Variants in PRRC2B observed in about 807,000 individuals in gnomAD.
PRRC2B encodes the protein proline rich coiled-coil 2B.
Under a neutral mutation model 242.3 loss-of-function variants are expected in PRRC2B, and 68 were observed. The observed-to-expected ratio is 0.28, with a 90% CI of 0.23 to 0.34. The LOEUF (loss-of-function observed/expected upper bound fraction) is 0.34, where lower values mean the gene tolerates loss of function less well. PRRC2B is among the 10% of genes least tolerant of loss of function. The probability of loss-of-function intolerance (pLI) is 1.00; values close to 1 mark genes in which losing one functional copy is unlikely to be tolerated. For synonymous variants in PRRC2B, 1,228 were observed against 1,173.6 expected, an observed-to-expected ratio of 1.05 and a Z score of -0.95; for missense variants, 2,835 against 2,954.8, an observed-to-expected ratio of 0.96 and a Z score of 0.94.
intron 11 of PRRC2B, among the ~76,000 whole-genome samples, chr9:131,462,330 A>C (rs1221721773): frequency 6.6e-6 from 1 of 152,022 alleles, no homozygotes; most frequent in East Asian, 2.0e-4. Context: ...CTTCTGCCTC[A>C]GCCTCCCAAG....
intron 11 of PRRC2B, among the ~76,000 whole-genome samples, chr9:131,463,973 G>C (rs1436012898): frequency 1.4e-5 from 2 of 144,814 alleles, no homozygotes; most frequent in Non-Finnish European, 3.0e-5. Context: ...ATGGAGTCTC[G>C]CTCTGTTGCC....
chr9:131,385,732 C>A (rs531351682), intron 1 of PRRC2B, among the ~76,000 whole-genome samples: 1 of 150,440 alleles, frequency 6.6e-6, no homozygotes, highest in Non-Finnish European at 1.5e-5. Flanking sequence ...CTCGCCTTGT[C>A]GCCCAGGCTG....
At chr9:131,393,060 G>A (rs1427159919), upstream of PRRC2B, among the ~76,000 whole-genome samples, 1 of 152,178 alleles carries the variant, frequency 6.6e-6, no homozygotes, top group African/African-American at 2.4e-5. Flanking sequence ...TTGTTCACCA[G>A]CCTCAGTTCT....
At chr9:131,429,444 C>A (rs1004715074) in intron 1 of PRRC2B, among the ~76,000 whole-genome samples, 1 of 152,212 alleles carries the variant, frequency 6.6e-6, no homozygotes, top group Non-Finnish European at 1.5e-5. Context: ...GTGGTCTCTC[C>A]CTTGCTAGCC....
At position 131,475,737 on chromosome 9, in the gene PRRC2B, G is replaced by A. The variant is rs1467814632; in HGVS notation, c.3608G>A (p.Arg1203Gln). Residue 1203 changes from arginine to glutamine, a missense_variant, in exon 16 of 32, where the codon CGA becomes CAA. Around this residue, in one of 7 missense-constraint regions of PRRC2B, gnomAD observed 1,536 missense variants for 1,483.1 expected, o/e 1.04. Transcript: ENST00000683519. ...AKSRGPRAFG[R>Q]ALPPRLSNCG... ...AGCCGAGGCCCTCGGGCCTTTGGGC[G>A]AGCCCTCCCTCCCCGGCTGAGCAAT... 1.9e-6 allele frequency: 3 copies of A among 1,613,308 alleles called. No homozygotes were observed. The highest frequency in any genetic ancestry group is 2.5e-6 in the Non-Finnish European group (3 of 1,179,696).
intron 28 of PRRC2B, 66 bp from the exon 29 acceptor site, chr9:131,491,359 C>G (rs777966657): frequency 4.8e-6 from 7 of 1,465,738 alleles, no homozygotes; most frequent in African/African-American, 2.9e-5. Context: ...TGCGGTCGCT[C>G]TTTGGTGCGT....
At chr9:131,433,541 C>G (rs12682817) in intron 3 of PRRC2B, among the ~76,000 whole-genome samples, 1 of 152,210 alleles carries the variant, frequency 6.6e-6, no homozygotes, top group African/African-American at 2.4e-5. Context: ...TTAGCCAGTG[C>G]TAAGACAATT....
intron 3 of PRRC2B, 81 bp from the exon 4 acceptor site, chr9:131,436,539 C>G: frequency 9.3e-7 from 1 of 1,077,052 alleles, no homozygotes. Flanking sequence ...AGCAGCTGAA[C>G]AGCTGTGGCT....
At position 131,480,793 on chromosome 9, in the gene PRRC2B, G is replaced by C. The variant is rs546827355; in HGVS notation, c.4901-933G>C. Among the ~76,000 whole-genome samples, 4 of 151,814 alleles carry C rather than the reference G, an allele frequency of 2.6e-5. No homozygotes were observed. In the East Asian group the frequency reaches 7.7e-4, roughly 29 times the overall value. On this transcript the variant is annotated intron_variant, in intron 19 of 31. Transcript: ENST00000683519. ...ATGCATATCTATTTTTCTGGGCTCCGGATCCATGGCCATTCAAAAAGTGGT... is the reference window on the plus strand; with the variant it reads ...ATGCATATCTATTTTTCTGGGCTCCCGATCCATGGCCATTCAAAAAGTGGT...
intron 11 of PRRC2B, among the ~76,000 whole-genome samples, chr9:131,463,193 T>C (rs893310088): frequency 4.6e-5 from 7 of 152,228 alleles, no homozygotes; most frequent in African/African-American, 4.8e-5. Flanking sequence ...AATGATATTA[T>C]ATAAAATGTA....
chr9:131,376,353 CAA>C (rs34978838), intron 1 of PRRC2B, among the ~76,000 whole-genome samples: 127 of 112,480 alleles, frequency 1.1e-3, no homozygotes, highest in African/African-American at 3.6e-3. Context: ...GACTCCATCT[CAA>C]AAAAAAAAAA....
intron 23 of PRRC2B, among the ~76,000 whole-genome samples, chr9:131,483,696 C>T (rs188317066): frequency 2.0e-5 from 3 of 152,284 alleles, no homozygotes; most frequent in East Asian, 3.9e-4. Context: ...GTGCCAGGTG[C>T]GAGCCCAGAC....
chr9:131,403,655 C>T (rs1837282512), intron 1 of PRRC2B, among the ~76,000 whole-genome samples: 1 of 92,622 alleles, frequency 1.1e-5, no homozygotes, highest in Admixed American at 1.4e-4. Flanking sequence ...GCGCCTGGCC[C>T]ATACTTTAAA....
intron 17 of PRRC2B, 54 bp downstream of exon 17, chr9:131,478,003 T>C (rs568859976): frequency 1.9e-6 from 3 of 1,538,640 alleles, no homozygotes; most frequent in African/African-American, 2.7e-5. Flanking sequence ...CCAGGGGCCA[T>C]GCAGTCCTCG....
chr9:131,430,200 C>G lies in PRRC2B; in HGVS notation c.56C>G (p.Ser19Trp). The stretch of plus-strand genomic sequence containing the variant: ...GGCAAGGATGGGAAAAGCAAGTACT[C>G]GACTCTCAGCCTGTTTGATAAGTAT... Reference protein sequence around the residue: ...TKGKDGKSKYSTLSLFDKYKG... With the variant: ...TKGKDGKSKYWTLSLFDKYKG... The change falls in exon 2 of 32, where the codon TCG becomes TGG. Residue 19 changes from serine (S) to tryptophan (W), a missense_variant. Transcript: ENST00000683519. 1 of 1,608,014 alleles carries G rather than the reference C, an allele frequency of 6.2e-7. No homozygotes were observed. The highest frequency in any genetic ancestry group is 1.3e-5 in the African/African-American group (1 of 74,822).
intron 14 of PRRC2B, among the ~76,000 whole-genome samples, chr9:131,471,551 A>G (rs892626220): frequency 6.6e-6 from 1 of 152,240 alleles, no homozygotes; most frequent in African/African-American, 2.4e-5. Context: ...AACTTCTACT[A>G]ATGACCAGAT....
At position 131,491,472 on chromosome 9, in the gene PRRC2B, C is replaced by A; in HGVS notation, c.6273C>A (p.Ile2091=). 1.2e-6 allele frequency: 2 copies of A among 1,612,076 alleles called. No individual in the cohort carries two copies. Among genetic ancestry groups the A allele is most frequent in the South Asian group, 2.2e-5 (2 of 90,732 alleles). Residue 2091 remains isoleucine, a synonymous_variant, in exon 29 of 32, where the codon ATC becomes ATA. Coordinates refer to ENST00000683519, the MANE Select transcript of PRRC2B (RefSeq NM_013318.4). Reference sequence around the variant, plus strand: ...ACGGCTCCGGGCAGCAGCCACTGATCCTGCCCCAGTCTATTCAGCTGCCAC... The same window carrying A: ...ACGGCTCCGGGCAGCAGCCACTGATACTGCCCCAGTCTATTCAGCTGCCAC... ...PRYGSGQQPL[I]LPQSIQLPPG...
Position 131,482,525 on chromosome 9 carries a change from G to A in PRRC2B, c.5138G>A (p.Ser1713Asn). 4 of 1,609,162 alleles carry A rather than the reference G, an allele frequency of 2.5e-6. No individual in the cohort carries two copies. The highest frequency in any genetic ancestry group is 1.3e-5 in the African/African-American group (1 of 74,928). ...GGCCTGGCGGAACCCAAGGCCGACA[G>A]CCACAAGGAGCAGGCTCCAAAGCCA... Reference protein sequence around the residue: ...GPGLAEPKADSHKEQAPKPSE... With the variant: ...GPGLAEPKADNHKEQAPKPSE... The change falls in exon 21 of 32, where the codon AGC becomes AAC. Residue 1713 changes from serine (S) to asparagine (N), a missense_variant. Ser to Asn is a conservative substitution (Grantham distance 46). Coordinates refer to ENST00000683519, the MANE Select transcript of PRRC2B (RefSeq NM_013318.4). The surrounding 1 kb of genome is among the most constrained non-coding windows in gnomAD (Gnocchi z 5.2).
In PRRC2B at chr9:131,482,432, C is replaced by A; in HGVS notation, c.5045C>A (p.Ser1682Ter). ...GVDLSAESRE[S>*]SATSSQRSSP... Reference sequence around the variant, plus strand: ...GACTTGAGTGCCGAGTCTCGGGAGTCGTCTGCGACCTCCTCGCAGCGCAGC... The same window carrying A: ...GACTTGAGTGCCGAGTCTCGGGAGTAGTCTGCGACCTCCTCGCAGCGCAGC... The change falls in exon 21 of 32, where the codon TCG (serine) becomes TAG (stop). Residue 1682 changes from serine to a stop codon, truncating the protein, a stop_gained. Coordinates refer to ENST00000683519, the MANE Select transcript of PRRC2B (RefSeq NM_013318.4). LOFTEE classifies it high-confidence loss of function. The surrounding 1 kb of genome is among the most constrained non-coding windows in gnomAD (Gnocchi z 5.2). 1 of 1,603,764 alleles carries A rather than the reference C, an allele frequency of 6.2e-7. No homozygotes were observed. Among genetic ancestry groups the A allele is most frequent in the South Asian group, 1.1e-5 (1 of 90,824 alleles).
Sources: gnomAD v4.1 joint callset for allele counts (sites outside exome capture counted in the v4.1 genomes callset) on GRCh38, gnomAD v4.1.1 for gene constraint, gnomAD v4.1.1 regional missense constraint, Gnocchi (gnomAD v3.1) non-coding constraint, MANE v1.5 for transcripts, NCBI Gene and HGNC (gene_info 2026-07-23, HGNC 2026-07-21) for gene names.